The following SPIDR variants were observed in gnomAD, a reference collection of about 807,000 sequenced individuals.
SPIDR encodes DNA repair-scaffolding protein.
Under a neutral mutation model 104.6 loss-of-function variants are expected in SPIDR, and 93 were observed. That is an observed-to-expected ratio of 0.89 (90% CI 0.75 to 1.06). SPIDR has a LOEUF of 1.06. Among genes scored for constraint, SPIDR ranks in the 50% least tolerant of loss-of-function variants. The pLI, the probability that SPIDR is intolerant of heterozygous loss-of-function variation, is 0.00. For missense variants in SPIDR, 1,154 were observed against 1,111.2 expected (o/e 1.04, Z -0.55); for synonymous variants, 431 against 416.9 (o/e 1.03, Z -0.41).
At chr8:47,390,858 A>G (rs2060495812) in intron 5 of SPIDR, among the ~76,000 whole-genome samples, 1 of 152,180 alleles carries the variant, frequency 6.6e-6, no homozygotes, top group African/African-American at 2.4e-5. Flanking sequence ...TCTTGTTCCA[A>G]AACTTATGGC....
chr8:47,489,193 T>C (rs1424214473), intron 8 of SPIDR, among the ~76,000 whole-genome samples: 6 of 152,190 alleles, frequency 3.9e-5, no homozygotes, highest in Non-Finnish European at 7.3e-5. Context: ...TCACAAGCAT[T>C]CTTATACACC....
intron 8 of SPIDR, among the ~76,000 whole-genome samples, chr8:47,499,624 C>T (rs1466654941): frequency 6.6e-6 from 1 of 150,700 alleles, no homozygotes; most frequent in Admixed American, 6.6e-5. Context: ...GAAAATTTTT[C>T]CAGGAACACA....
At chr8:47,688,712 G>A (rs925496963) in intron 11 of SPIDR, among the ~76,000 whole-genome samples, 1 of 152,236 alleles carries the variant, frequency 6.6e-6, no homozygotes, top group African/African-American at 2.4e-5. Flanking sequence ...TGTGCACATC[G>A]TGGGGGTGGG....
intron 10 of SPIDR, chr8:47,667,898 G>A (rs2075203788): frequency 6.6e-6 from 1 of 151,692 alleles, no homozygotes; most frequent in African/African-American, 2.4e-5. Flanking sequence ...AATAAAACTT[G>A]AAAAAAACAA....
At chr8:47,547,271 A>C in intron 8 of SPIDR, 1 of 600,228 alleles carries the variant, frequency 1.7e-6, no homozygotes, top group Non-Finnish European at 3.3e-6. Flanking sequence ...ACAGCAAAGC[A>C]ACCCTTGGTG....
At chr8:47,297,164 G>T (rs2041003015) in intron 5 of SPIDR, among the ~76,000 whole-genome samples, 1 of 152,182 alleles carries the variant, frequency 6.6e-6, no homozygotes, top group East Asian at 1.9e-4. Flanking sequence ...TCAGCAAACA[G>T]ATGATTTCTC....
At chr8:47,378,652 G>C (rs1554643804) in intron 5 of SPIDR, among the ~76,000 whole-genome samples, 2 of 152,102 alleles carry the variant, frequency 1.3e-5, no homozygotes, top group African/African-American at 4.8e-5. Flanking sequence ...ATTTAATCTT[G>C]TGTCAGTTTA....
chr8:47,391,983 C>T (rs2060642608), intron 5 of SPIDR, among the ~76,000 whole-genome samples: 1 of 129,788 alleles, frequency 7.7e-6, no homozygotes, highest in African/African-American at 3.1e-5. Context: ...GCGACAGAGC[C>T]AGACTCCGTC....
At chr8:47,459,731 G>A (rs1239871379) in intron 8 of SPIDR, among the ~76,000 whole-genome samples, 1 of 151,910 alleles carries the variant, frequency 6.6e-6, no homozygotes, top group South Asian at 2.1e-4. Flanking sequence ...TCCTTAGATT[G>A]TCTGTTTGTA....
At chr8:47,360,596 T>G (rs530423508) in intron 5 of SPIDR, among the ~76,000 whole-genome samples, 1 of 152,174 alleles carries the variant, frequency 6.6e-6, no homozygotes, top group African/African-American at 2.4e-5. Context: ...CCGGGGCTGT[T>G]GGTAAACTCC....
At chr8:47,549,075 C>G (rs1352928110) in intron 8 of SPIDR, among the ~76,000 whole-genome samples, 2 of 152,168 alleles carry the variant, frequency 1.3e-5, no homozygotes, top group Admixed American at 1.3e-4. Context: ...CAGCTTCATC[C>G]ATGTCCCTAA....
At chr8:47,572,394 T>C (rs1028339751) in intron 8 of SPIDR, among the ~76,000 whole-genome samples, 2 of 152,178 alleles carry the variant, frequency 1.3e-5, no homozygotes, top group Non-Finnish European at 2.9e-5. Flanking sequence ...CCGGGCACGG[T>C]GGCTCATGCC....
chr8:47,510,583 AGAGT>A (rs1210862122), intron 8 of SPIDR, among the ~76,000 whole-genome samples: 1 of 152,112 alleles, frequency 6.6e-6, no homozygotes. Flanking sequence ...AATATTCAGT[AGAGT>A]ATTTGCAAAA....
chr8:47,580,072 C>T (rs1416233127), intron 8 of SPIDR, among the ~76,000 whole-genome samples: 1 of 152,166 alleles, frequency 6.6e-6, no homozygotes, highest in Non-Finnish European at 1.5e-5. Context: ...GTGAAGAGGA[C>T]TAAGAGCATA....
intron 1 of SPIDR, among the ~76,000 whole-genome samples, chr8:47,276,049 T>TG (rs1239773405): frequency 6.6e-6 from 1 of 152,126 alleles, no homozygotes; most frequent in Non-Finnish European, 1.5e-5. Context: ...TTTAGACAGA[T>TG]GGAGTTTTGC....
intron 8 of SPIDR, among the ~76,000 whole-genome samples, chr8:47,532,888 A>G (rs556294841): frequency 1.3e-5 from 2 of 152,336 alleles, no homozygotes; most frequent in South Asian, 4.1e-4. Flanking sequence ...GGACCATAAA[A>G]CACATCTTAG....
At chr8:47,466,900 A>AAT (rs1554717438) in intron 8 of SPIDR, among the ~76,000 whole-genome samples, 1,870 of 114,296 alleles carry the variant, frequency 0.016, 60 homozygotes, top group Middle Eastern at 0.02. Context: ...AAAAAAAAAA[A>AAT]ATATATATAT....
intron 7 of SPIDR, among the ~76,000 whole-genome samples, chr8:47,409,100 C>G (rs782591908): frequency 6.6e-6 from 1 of 152,124 alleles, no homozygotes; most frequent in South Asian, 2.1e-4. Context: ...GCAAGAGAAT[C>G]GCTTGAACCC....
At chr8:47,541,547 A>T (rs997396286) in intron 8 of SPIDR, among the ~76,000 whole-genome samples, 1 of 152,224 alleles carries the variant, frequency 6.6e-6, no homozygotes, top group Non-Finnish European at 1.5e-5. Flanking sequence ...CATTTCACAT[A>T]AAAGCTCAGA....
Sources: allele counts gnomAD v4.1 joint callset (sites outside exome capture counted in the v4.1 genomes callset), GRCh38; gene constraint gnomAD v4.1.1; transcripts MANE v1.5; gene names NCBI Gene and HGNC (gene_info 2026-07-23, HGNC 2026-07-21).